The following PYGB variants were observed in gnomAD, a reference collection of about 807,000 sequenced individuals.
PYGB encodes the protein glycogen phosphorylase B, also known as glycogen phosphorylase, brain form.
PYGB carries 82 observed loss-of-function variants against 94.3 expected under a neutral mutation model. The observed-to-expected ratio is 0.87, with a 90% CI of 0.73 to 1.04. The LOEUF (loss-of-function observed/expected upper bound fraction) is 1.04, where lower values mean the gene tolerates loss of function less well. PYGB is among the 50% of genes least tolerant of loss of function. The pLI is 0.00. For synonymous variants in PYGB, 488 were observed against 479.1 expected, an observed-to-expected ratio of 1.02 and a Z score of -0.24; for missense variants, 1,132 against 1,158.2, an observed-to-expected ratio of 0.98 and a Z score of 0.33.
chr20:25,280,484 G>A, intron 10 of PYGB, 72 bp downstream of exon 10: 1 of 1,546,762 alleles, frequency 6.5e-7, no homozygotes, highest in Non-Finnish European at 8.8e-7. Context: ...CCTGGCCTGG[G>A]AGAGGAGGTG....
At chr20:25,277,357 G>A (rs1600732282) in intron 7 of PYGB, 31 bp downstream of exon 7, 1 of 1,523,970 alleles carries the variant, frequency 6.6e-7, no homozygotes, top group African/African-American at 1.4e-5. Flanking sequence ...CTCTTGCTCA[G>A]GCCGTATCGC....
At position 25,276,671 on chromosome 20, in the gene PYGB, C is replaced by A; in HGVS notation, c.686C>A (p.Thr229Asn). ...TQVVLAMPYD[T>N]PVPGYKNNTV... is the part of the protein sequence containing the mutation. ...GTGGTGCTGGCCATGCCCTACGACA[C>A]CCCAGTGCCCGGCTACAAGAACAAC... The change falls in exon 6 of 20, where the codon ACC becomes AAC. Residue 229 changes from threonine to asparagine, a missense_variant. Physicochemically the swap from Thr to Asn is moderately conservative, Grantham distance 65. Coordinates refer to ENST00000216962, the MANE Select transcript of PYGB (RefSeq NM_002862.4). 1 of 1,613,852 alleles carries A rather than the reference C, an allele frequency of 6.2e-7. No individual in the cohort carries two copies. Among genetic ancestry groups the A allele is most frequent in the Admixed American group, 1.7e-5 (1 of 60,018 alleles).
At chr20:25,260,888 A>G (rs955404848) in intron 2 of PYGB, among the ~76,000 whole-genome samples, 4 of 152,206 alleles carry the variant, frequency 2.6e-5, no homozygotes, top group African/African-American at 9.6e-5. Context: ...TTGCTAGCAC[A>G]ACAGTATGAG....
intron 14 of PYGB, among the ~76,000 whole-genome samples, chr20:25,287,615 A>C (rs1329881160): frequency 1.3e-5 from 2 of 152,114 alleles, no homozygotes; most frequent in Non-Finnish European, 2.9e-5. Flanking sequence ...ACACCACAGT[A>C]CTCCAGCCTG....
At position 25,284,263 on chromosome 20, in the gene PYGB, C is replaced by A; in HGVS notation, c.1768+12C>A. ...CACCCTGTACAATCGTGAGTGCCGG[C>A]ATCACCTGCATGACCGCGCTGTGGG... On this transcript the variant is annotated intron_variant, in intron 14 of 19. Transcript: ENST00000216962. 1 of 1,610,868 alleles carries A rather than the reference C, an allele frequency of 6.2e-7. No individual in the cohort carries two copies. The highest frequency in any genetic ancestry group is 8.5e-7 in the Non-Finnish European group (1 of 1,178,256).
chr20:25,283,058 C>G, intron 12 of PYGB, 118 bp from the exon 13 acceptor site: 1 of 843,988 alleles, frequency 1.2e-6, no homozygotes. Flanking sequence ...AGGGGCCGGA[C>G]AAGCAGATCC....
intron 17 of PYGB, among the ~76,000 whole-genome samples, chr20:25,292,834 C>T (rs1422312456): frequency 1.3e-5 from 2 of 152,106 alleles, no homozygotes; most frequent in Non-Finnish European, 2.9e-5. Context: ...GGGTGCTGGG[C>T]TGCTCCTGTC....
intron 14 of PYGB, 23 bp from the exon 15 acceptor site, chr20:25,288,402 A>G (rs1456698456): frequency 4.3e-6 from 7 of 1,613,950 alleles, no homozygotes; most frequent in Non-Finnish European, 5.1e-6. Flanking sequence ...GCCTTGTGTG[A>G]GTCTCTTCCG....
At chr20:25,293,915 C>CT (rs2088499575) in intron 17 of PYGB, 5 of 551,342 alleles carry the variant, frequency 9.1e-6, no homozygotes, top group Non-Finnish European at 1.6e-5. Flanking sequence ...GATGACATTT[C>CT]TTTAACAGTC....
In PYGB at chr20:25,296,686, TAAGG is replaced by T. The variant is rs1334262402; in HGVS notation, c.*171_*174del. On this transcript the variant is annotated 3_prime_UTR_variant, in exon 20 of 20. Coordinates refer to ENST00000216962, the MANE Select transcript of PYGB (RefSeq NM_002862.4). ...TCAGGGTGGTTTTGAGAGAGCAGGG[TAAGG>T]AAGGAATGTGCTAGAAGTGCTCCTA... 6.5e-6 allele frequency: 6 copies of T among 924,610 alleles called. No homozygotes were observed. In the East Asian group the frequency reaches 1.6e-4, roughly 25 times the overall value. 57.3% of individuals were successfully genotyped at this position (924,610 alleles called of 1,614,324 possible).
intron 4 of PYGB, among the ~76,000 whole-genome samples, chr20:25,273,612 T>A (rs1007002912): frequency 6.6e-6 from 1 of 152,202 alleles, no homozygotes; most frequent in African/African-American, 2.4e-5. Flanking sequence ...CCCCTAGTGC[T>A]TCTGTGCAAG....
Position 25,277,269 on chromosome 20 carries a change from G to T in PYGB, c.798G>T (p.Ala266=), listed in dbSNP as rs753110121. 4 of 1,580,802 alleles carry T rather than the reference G, an allele frequency of 2.5e-6. No homozygotes were observed. Among genetic ancestry groups the T allele is most frequent in the Admixed American group, 1.7e-5 (1 of 59,968 alleles). ...TCAACGTGGGAGACTACATCGAGGCGGTCCTGGACCGGAACTTGGCTGAGA... is the reference window on the plus strand; with the variant it reads ...TCAACGTGGGAGACTACATCGAGGCTGTCCTGGACCGGAACTTGGCTGAGA... ...QDFNVGDYIE[A]VLDRNLAENI... Residue 266 remains alanine, a synonymous_variant, in exon 7 of 20, where the codon GCG becomes GCT. Coordinates refer to ENST00000216962, the MANE Select transcript of PYGB (RefSeq NM_002862.4).
intron 2 of PYGB, among the ~76,000 whole-genome samples, chr20:25,264,849 G>A (rs969092334): frequency 6.6e-6 from 1 of 152,146 alleles, no homozygotes; most frequent in Non-Finnish European, 1.5e-5. Context: ...TGGTCCTACT[G>A]CCCAAGGTAA....
At chr20:25,287,673 C>CA (rs1220487659) in intron 14 of PYGB, among the ~76,000 whole-genome samples, 3 of 151,454 alleles carry the variant, frequency 2.0e-5, no homozygotes, top group African/African-American at 4.8e-5. Context: ...CAAACAACAA[C>CA]AAAAAAAACC....
intron 14 of PYGB, among the ~76,000 whole-genome samples, chr20:25,285,802 A>G (rs2088413090): frequency 6.6e-6 from 1 of 152,098 alleles, no homozygotes; most frequent in South Asian, 2.1e-4. Context: ...CAGCTGTATC[A>G]GTTTGAGTCT....
At chr20:25,278,963 C>G in intron 8 of PYGB, 94 bp from the exon 9 acceptor site, 1 of 1,254,890 alleles carries the variant, frequency 8.0e-7, no homozygotes, top group Non-Finnish European at 1.1e-6. Context: ...GTGGGCTGGG[C>G]TGGCTCCTTC....
intron 5 of PYGB, 55 bp from the exon 6 acceptor site, chr20:25,276,590 CA>C: frequency 2.0e-6 from 3 of 1,483,516 alleles, no homozygotes; most frequent in South Asian, 2.3e-5. Context: ...GGGAGAGGCA[CA>C]GGGGCCGGCG....
In PYGB at chr20:25,295,661, G is replaced by T. The variant is rs1130694; in HGVS notation, c.2370G>T (p.Gln790His). ...AYMQCQAQVDQLYRNPKEWTK... is the reference protein window; with the variant it reads ...AYMQCQAQVDHLYRNPKEWTK... ...TGCAGTGCCAGGCACAGGTGGACCA[G>T]CTGTACCGGGTGAGGCTCCTGGGTC... Residue 790 changes from glutamine to histidine, a missense_variant, in exon 19 of 20, where the codon CAG becomes CAT. By Grantham distance (24) the Gln-to-His change is conservative. Transcript: ENST00000216962. The T allele has an allele frequency of 1.2e-6, 2 of 1,613,392 alleles. No individual in the cohort carries two copies. The highest frequency in any genetic ancestry group is 1.7e-6 in the Non-Finnish European group (2 of 1,179,486).
rs2088374096 is a variant in PYGB, at chr20:25,282,160, C to T, written c.1518+13C>T. On this transcript the variant is annotated intron_variant, in intron 12 of 19. Transcript: ENST00000216962. ...TACCATCGTGGAGGTGAGTCCCGGGCCCCACCCGTGCCTGTGGAGATGCCT... is the reference window on the plus strand; with the variant it reads ...TACCATCGTGGAGGTGAGTCCCGGGTCCCACCCGTGCCTGTGGAGATGCCT... 3 of 1,592,448 alleles carry T rather than the reference C, an allele frequency of 1.9e-6. No homozygotes were observed. The highest frequency in any genetic ancestry group is 2.2e-5 in the South Asian group (2 of 90,062).
Sources: gnomAD v4.1 joint callset for allele counts (sites outside exome capture counted in the v4.1 genomes callset) on GRCh38, gnomAD v4.1.1 for gene constraint, MANE v1.5 for transcripts, NCBI Gene and HGNC (gene_info 2026-07-23, HGNC 2026-07-21) for gene names.